Variants in ARRDC5 observed in about 807,000 individuals in gnomAD.
ARRDC5 encodes arrestin domain containing 5.
ARRDC5 carries 12 observed loss-of-function variants against 13.3 expected under a neutral mutation model. The observed-to-expected ratio is 0.90, with a 90% CI of 0.58 to 1.46. ARRDC5 has a LOEUF of 1.46. ARRDC5 is among the 40% of genes most tolerant of loss of function. The probability of loss-of-function intolerance (pLI) is 0.00; values close to 1 mark genes in which losing one functional copy is unlikely to be tolerated. For missense variants in ARRDC5, 406 were observed against 418.7 expected (o/e 0.97, Z 0.26); for synonymous variants, 181 against 173.4 (o/e 1.04, Z -0.34).
rs370657089 is a variant in ARRDC5 at position 4,891,361 on chromosome 19, A to C, written c.672T>G (p.Ser224Arg). Residue 224 changes from serine to arginine, a missense_variant, in exon 3 of 3, where the codon AGT becomes AGG. Transcript: ENST00000650722. ...TGTCCAGCCGAGACCGCCGCTCTGC[A>C]CTGGGCGTGAAGCCCTCGTACTGTA... ...AHIQYEGFTP[S>R]AERRSRLDSS... 175 of 1,613,766 alleles carry C rather than the reference A, an allele frequency of 1.1e-4. 1 individual carries two copies. Among genetic ancestry groups the C allele is most frequent in the Middle Eastern group, 4.9e-4 (3 of 6,062 alleles).
At chr19:4,893,997 G>A (rs1443722911) in intron 2 of ARRDC5, among the ~76,000 whole-genome samples, 1 of 149,486 alleles carries the variant, frequency 6.7e-6, no homozygotes, top group African/African-American at 2.5e-5. Flanking sequence ...ACAGTGAGCC[G>A]AGATAGCGCC....
chr19:4,909,718 G>C, the ARRDC5 span: 10 of 495,000 alleles, frequency 2.0e-5, no homozygotes, highest in Non-Finnish European at 3.2e-5. Flanking sequence ...CGGGAACTTT[G>C]CAAAACTTTC....
At chr19:4,913,210 C>T in the ARRDC5 span, among the ~76,000 whole-genome samples, 1 of 147,760 alleles carries the variant, frequency 6.8e-6, no homozygotes, top group Admixed American at 6.8e-5. Context: ...TTTAGTGTGA[C>T]AATGACAGGA....
At chr19:4,905,085 C>CTCAACACAAAT (rs2032037428), upstream of ARRDC5, among the ~76,000 whole-genome samples, 4 of 150,098 alleles carry the variant, frequency 2.7e-5, no homozygotes, top group South Asian at 8.4e-4. Flanking sequence ...TGGAATATGG[C>CTCAACACAAAT]TCAACACAAA....
chr19:4,896,323 A>AT (rs1264575734), intron 2 of ARRDC5, among the ~76,000 whole-genome samples: 1 of 72,078 alleles, frequency 1.4e-5, no homozygotes, highest in East Asian at 2.4e-4. Context: ...CAAAAAAAAA[A>AT]AAAAAAATAT....
In ARRDC5 at chr19:4,891,178, C is replaced by T. The variant is rs2031488532; in HGVS notation, c.855G>A (p.Val285=). ...GGCTGGTCAGGGACCAGGGCAGGTGCACGGTGGTGACCAGCTCGTAGCGAG... is the reference window on the plus strand; with the variant it reads ...GGCTGGTCAGGGACCAGGGCAGGTGTACGGTGGTGACCAGCTCGTAGCGAG... ...MHTRYELVTT[V]HLPWSLTSLK... Residue 285 remains valine (V), a synonymous_variant, in exon 3 of 3, where the codon GTG becomes GTA. Coordinates refer to ENST00000650722, the MANE Select transcript of ARRDC5 (RefSeq NM_001080523.3). 6.2e-7 allele frequency: 1 copy of T among 1,613,862 alleles called. No homozygotes were observed. The highest frequency in any genetic ancestry group is 1.3e-5 in the African/African-American group (1 of 74,924).
chr19:4,891,184 G>A lies in ARRDC5; in HGVS notation c.849C>T (p.Thr283=), dbSNP rs775411880. Residue 283 remains threonine, a synonymous_variant, in exon 3 of 3, where the codon ACC becomes ACT. Coordinates refer to ENST00000650722, the MANE Select transcript of ARRDC5 (RefSeq NM_001080523.3). ...TCAGGGACCAGGGCAGGTGCACGGT[G>A]GTGACCAGCTCGTAGCGAGTGTGCA... ...EIMHTRYELV[T]TVHLPWSLTS... The A allele has an allele frequency of 5.0e-6, 8 of 1,613,844 alleles. No individual in the cohort carries two copies. Among genetic ancestry groups the A allele is most frequent in the Non-Finnish European group, 6.8e-6 (8 of 1,179,900 alleles).
intron 2 of ARRDC5, 88 bp from the exon 3 acceptor site, chr19:4,891,661 A>C (rs551069154): frequency 3.3e-4 from 411 of 1,258,260 alleles, no homozygotes; most frequent in Non-Finnish European, 4.2e-4. Flanking sequence ...GAACTCCTCA[A>C]AGTCTGTGGG....
intron 2 of ARRDC5, among the ~76,000 whole-genome samples, chr19:4,892,810 T>C (rs1440174698): frequency 6.6e-6 from 1 of 152,052 alleles, no homozygotes; most frequent in Non-Finnish European, 1.5e-5. Context: ...CCTATTTAGA[T>C]TCTTGCCTAT....
At chr19:4,902,966 G>C, upstream of ARRDC5, 1 of 1,257,112 alleles carries the variant, frequency 8.0e-7, no homozygotes, top group Admixed American at 2.0e-5. Context: ...GTGGCCAGGA[G>C]GGGAGGCAAA....
chr19:4,914,483 TG>T, the ARRDC5 span, among the ~76,000 whole-genome samples: 1 of 151,870 alleles, frequency 6.6e-6, no homozygotes, highest in South Asian at 2.1e-4. Context: ...AGAACAGAGT[TG>T]GGTCTGTCTC....
rs374865706 is a variant in ARRDC5 at position 4,892,331 on chromosome 19, C to T, written c.460-758G>A. Among the ~76,000 whole-genome samples the T allele has an allele frequency of 5.9e-3, 890 of 151,904 alleles. 5 individuals are homozygous for T. The highest frequency in any genetic ancestry group is 0.022 in the South Asian group (104 of 4,814). ...GTCTTGAACTCCTGACCTTGTGATC[C>T]GCCTGCCTCGGCCTACCAAAGTGCT... On this transcript the variant is annotated intron_variant, in intron 2 of 2. Transcript: ENST00000650722.
At chr19:4,910,365 C>CCGGCAAGGAGG in the ARRDC5 span, 1 of 144,542 alleles carries the variant, frequency 6.9e-6, no homozygotes. Flanking sequence ...GGAGGGGGGG[C>CCGGCAAGGAGG]GTGGGCACCG....
At chr19:4,896,918 T>A (rs747083378) in intron 1 of ARRDC5, 42 bp from the exon 2 acceptor site, 1 of 1,392,332 alleles carries the variant, frequency 7.2e-7, no homozygotes, top group Non-Finnish European at 1.0e-6. Context: ...GGTTCTAGAA[T>A]CTTTTTTCCT....
chr19:4,910,548 C>T, the ARRDC5 span: 1 of 260,592 alleles, frequency 3.8e-6, no homozygotes. Flanking sequence ...ATAAACGAAC[C>T]AACTCGGCCA....
chr19:4,896,522 C>T, intron 2 of ARRDC5, 149 bp downstream of exon 2: 1 of 619,370 alleles, frequency 1.6e-6, no homozygotes, highest in South Asian at 1.9e-5. Flanking sequence ...GTTTCTGACT[C>T]ACCTTTTGTG....
upstream of ARRDC5, among the ~76,000 whole-genome samples, chr19:4,904,596 C>A (rs926381318): frequency 1.3e-5 from 2 of 152,188 alleles, no homozygotes; most frequent in African/African-American, 4.8e-5. Context: ...GGATTACAGG[C>A]ATGAGCTACC....
chr19:4,892,897 G>A (rs2031558027), intron 2 of ARRDC5, among the ~76,000 whole-genome samples: 2 of 151,154 alleles, frequency 1.3e-5, no homozygotes, highest in African/African-American at 4.9e-5. Context: ...GAGGTCAAGA[G>A]ATCAAGACCA....
At position 4,890,793 on chromosome 19, in the gene ARRDC5, G is replaced by C; in HGVS notation, c.*253C>G. 2.2e-6 allele frequency: 1 copy of C among 456,828 alleles called. No individual in the cohort carries two copies. The highest frequency in any genetic ancestry group is 4.0e-5 in the Admixed American group (1 of 25,160). 28.3% of individuals were successfully genotyped at this position (456,828 alleles called of 1,614,324 possible). On this transcript the variant is annotated 3_prime_UTR_variant, in exon 3 of 3. Transcript: ENST00000650722. ...TGTGAGACCCCAGTAGGCTGGGGCA[G>C]ACTCAGGGTGGAAAAGGCAGGTTAT...
Sources: gnomAD v4.1 joint callset for allele counts (sites outside exome capture counted in the v4.1 genomes callset) on GRCh38, gnomAD v4.1.1 for gene constraint, MANE v1.5 for transcripts, NCBI Gene and HGNC (gene_info 2026-07-23, HGNC 2026-07-21) for gene names.